COL21A1: variants seen among roughly 807,000 people sequenced by gnomAD.
COL21A1 encodes collagen alpha-1(XXI) chain.
COL21A1 carries 149 observed loss-of-function variants against 137.9 expected under a neutral mutation model. That is an observed-to-expected ratio of 1.08 (90% CI 0.95 to 1.24). The LOEUF is 1.24. COL21A1 is among the 50% of genes most tolerant of loss of function. The probability of loss-of-function intolerance (pLI) is 0.00; values close to 1 mark genes in which losing one functional copy is unlikely to be tolerated. For synonymous variants in COL21A1, 456 were observed against 391.5 expected, an observed-to-expected ratio of 1.16 and a Z score of -1.95; for missense variants, 1,167 against 1,158.4, an observed-to-expected ratio of 1.01 and a Z score of -0.11.
chr6:56,214,099 G>A (rs1442302844), intron 1 of COL21A1, among the ~76,000 whole-genome samples: 1 of 152,026 alleles, frequency 6.6e-6, no homozygotes, highest in African/African-American at 2.4e-5. Context: ...TGTATAATTG[G>A]AAACCTGTTT....
At position 56,149,191 on chromosome 6, in the gene COL21A1, C is replaced by T. The variant is rs149591362; in HGVS notation, c.1435-7208G>A. On this transcript the variant is annotated intron_variant, in intron 10 of 29. Coordinates refer to ENST00000244728, the MANE Select transcript of COL21A1 (RefSeq NM_030820.4). ...TTGGATCTTCATGTTACCTCAAATGCAAAAATAAATTCCCAGTGAAATCAA... is the reference window on the plus strand; with the variant it reads ...TTGGATCTTCATGTTACCTCAAATGTAAAAATAAATTCCCAGTGAAATCAA... Among the ~76,000 whole-genome samples, 467 of 152,016 alleles carry T rather than the reference C, an allele frequency of 3.1e-3. 2 individuals carry two copies. The highest frequency in any genetic ancestry group is 0.011 in the African/African-American group (443 of 41,466).
chr6:56,261,044 T>C (rs1308799271), intron 1 of COL21A1, among the ~76,000 whole-genome samples: 1 of 35,842 alleles, frequency 2.8e-5, no homozygotes, highest in African/African-American at 1.6e-4. Context: ...TTCTTGGTTT[T>C]CTTGACACTT....
At chr6:56,265,878 AG>A (rs2152331541) in intron 1 of COL21A1, among the ~76,000 whole-genome samples, 2 of 152,302 alleles carry the variant, frequency 1.3e-5, no homozygotes, top group African/African-American at 4.8e-5. Context: ...ATAGAGCAAA[AG>A]CTTTAGAAGA....
At chr6:56,242,684 AAAC>A in intron 1 of COL21A1, among the ~76,000 whole-genome samples, 1 of 152,224 alleles carries the variant, frequency 6.6e-6, no homozygotes, top group Non-Finnish European at 1.5e-5. Flanking sequence ...AATGTCCAAG[AAAC>A]AACAAGGAGA....
intron 1 of COL21A1, among the ~76,000 whole-genome samples, chr6:56,289,531 G>A (rs749029991): frequency 1.3e-5 from 2 of 152,162 alleles, no homozygotes; most frequent in African/African-American, 2.4e-5. Flanking sequence ...GAAACTTTAT[G>A]TAGTCTCCAG....
At chr6:56,295,618 T>C (rs1764146592) in intron 1 of COL21A1, among the ~76,000 whole-genome samples, 1 of 54,818 alleles carries the variant, frequency 1.8e-5, no homozygotes, top group Admixed American at 3.0e-4. Flanking sequence ...ATTTCTTTCA[T>C]CAGAGTTTTG....
intron 1 of COL21A1, among the ~76,000 whole-genome samples, chr6:56,325,984 A>G (rs1765076218): frequency 5.7e-5 from 1 of 17,536 alleles, no homozygotes; most frequent in African/African-American, 3.7e-4. Flanking sequence ...ATATTATATA[A>G]TATATGTATA....
intron 1 of COL21A1, among the ~76,000 whole-genome samples, chr6:56,270,384 T>C (rs1449952023): frequency 1.3e-5 from 2 of 152,214 alleles, no homozygotes; most frequent in Non-Finnish European, 2.9e-5. Context: ...TAAATATACA[T>C]GCACCTGACA....
At chr6:56,277,255 A>G (rs2152333405) in intron 1 of COL21A1, among the ~76,000 whole-genome samples, 1 of 152,076 alleles carries the variant, frequency 6.6e-6, no homozygotes. Flanking sequence ...TTAACTCGTC[A>G]TTTACATTAG....
chr6:56,316,426 C>T (rs952795295), intron 1 of COL21A1, among the ~76,000 whole-genome samples: 3 of 145,912 alleles, frequency 2.1e-5, no homozygotes, highest in African/African-American at 7.6e-5. Context: ...TATTACATGC[C>T]TACTAAGAAA....
chr6:56,080,953 C>A (rs1177715592), intron 17 of COL21A1, among the ~76,000 whole-genome samples: 1 of 151,716 alleles, frequency 6.6e-6, no homozygotes, highest in Non-Finnish European at 1.5e-5. Flanking sequence ...AGTCAGCCAG[C>A]CCATGTCCTA....
chr6:56,374,592 C>T (rs763598139), intron 1 of COL21A1, among the ~76,000 whole-genome samples: 2 of 151,854 alleles, frequency 1.3e-5, no homozygotes, highest in African/African-American at 2.4e-5. Flanking sequence ...CATGGTGGCG[C>T]GTACCTGGAG....
upstream of COL21A1, among the ~76,000 whole-genome samples, chr6:56,249,625 G>T (rs1255193109): frequency 6.6e-6 from 1 of 152,182 alleles, no homozygotes; most frequent in African/African-American, 2.4e-5. Context: ...AACACTTATT[G>T]TATGATTCTG....
intron 1 of COL21A1, among the ~76,000 whole-genome samples, chr6:56,268,634 T>C (rs1328802307): frequency 2.0e-5 from 3 of 152,246 alleles, no homozygotes; most frequent in South Asian, 4.1e-4. Flanking sequence ...ATGAAGCCAA[T>C]TGACTATACT....
chr6:56,109,847 G>T (rs1216294112), intron 16 of COL21A1, among the ~76,000 whole-genome samples: 1 of 151,894 alleles, frequency 6.6e-6, no homozygotes, highest in Non-Finnish European at 1.5e-5. Context: ...ATCTAAATAG[G>T]TGTATTATTA....
chr6:56,193,688 T>C (rs1778840702), intron 1 of COL21A1, among the ~76,000 whole-genome samples: 1 of 152,186 alleles, frequency 6.6e-6, no homozygotes, highest in South Asian at 2.1e-4. Context: ...AACTAGTCCA[T>C]TACTGTCAAT....
chr6:56,251,575 G>C (rs1250466508), upstream of COL21A1, among the ~76,000 whole-genome samples: 3 of 152,198 alleles, frequency 2.0e-5, no homozygotes, highest in Non-Finnish European at 4.4e-5. Flanking sequence ...GGATGTGTGT[G>C]AGTGTGTATG....
chr6:56,197,312 G>C (rs994201719), intron 1 of COL21A1, among the ~76,000 whole-genome samples: 4 of 152,010 alleles, frequency 2.6e-5, no homozygotes, highest in African/African-American at 7.2e-5. Context: ...ATGACTTTTT[G>C]TATTTGACAA....
intron 16 of COL21A1, among the ~76,000 whole-genome samples, chr6:56,116,524 C>G (rs1022310296): frequency 2.7e-5 from 4 of 150,922 alleles, no homozygotes; most frequent in African/African-American, 9.7e-5. Context: ...TCATCAATAC[C>G]AGACCTACCA....
Sources: gnomAD v4.1 joint callset for allele counts (sites outside exome capture counted in the v4.1 genomes callset) on GRCh38, gnomAD v4.1.1 for gene constraint, MANE v1.5 for transcripts, NCBI Gene and HGNC (gene_info 2026-07-23, HGNC 2026-07-21) for gene names.